GPR157: variants seen among roughly 807,000 people sequenced by gnomAD.
GPR157 encodes G-protein coupled receptor 157.
In GPR157, 16 loss-of-function variants were observed where a neutral mutation model predicts 23.5. That is an observed-to-expected ratio of 0.68 (90% CI 0.46 to 1.04). GPR157 has a LOEUF of 1.04. GPR157 is among the 50% of genes least tolerant of loss of function. The probability of loss-of-function intolerance (pLI) is 0.00; values close to 1 mark genes in which losing one functional copy is unlikely to be tolerated. For missense variants in GPR157, 440 were observed against 460.7 expected, an observed-to-expected ratio of 0.96 and a Z score of 0.41; for synonymous variants, 200 against 221.5, an observed-to-expected ratio of 0.90 and a Z score of 0.86.
At chr1:9,114,933 A>G (rs1638603257) in intron 1 of GPR157, among the ~76,000 whole-genome samples, 1 of 151,736 alleles carries the variant, frequency 6.6e-6, no homozygotes, top group Non-Finnish European at 1.5e-5. Context: ...AAAAAAAAAA[A>G]AAAAAAAAAG....
Position 9,118,452 on chromosome 1 carries a change from C to T in GPR157, c.384-6963G>A, listed in dbSNP as rs1431945636. ...CGGAGGAAGCCCGGGACAGCCACCT[C>T]GTGTGTAACTCTGATTGGCAGGGGC... On this transcript the variant is annotated intron_variant, in intron 1 of 3. Coordinates refer to ENST00000377411, the MANE Select transcript of GPR157 (RefSeq NM_024980.5). This position sits in a 1 kb window ranked among gnomAD's most constrained non-coding sequence, Gnocchi z 4.6. Among the ~76,000 whole-genome samples, 2 of 152,100 alleles carry T rather than the reference C, an allele frequency of 1.3e-5. No homozygotes were observed. Among genetic ancestry groups the T allele is most frequent in the East Asian group, 1.9e-4 (1 of 5,180 alleles).
Position 9,104,649 on chromosome 1 carries a change from G to T in GPR157, c.793-15C>A. On this transcript the variant is annotated splice_polypyrimidine_tract_variant and intron_variant, in intron 3 of 3. Transcript: ENST00000377411. ...TTCCCGATACCCTGTCGGGAGAAAA[G>T]GAGCTGTGAGCATGGGGCTGGAGTT... The T allele has an allele frequency of 6.4e-7, 1 of 1,565,324 alleles. No individual in the cohort carries two copies. The highest frequency in any genetic ancestry group is 2.3e-5 in the East Asian group (1 of 43,100).
intron 1 of GPR157, among the ~76,000 whole-genome samples, chr1:9,112,207 G>A (rs959718218): frequency 3.3e-5 from 5 of 152,286 alleles, no homozygotes; most frequent in Non-Finnish European, 5.9e-5. Flanking sequence ...AACAATCAGC[G>A]CCCCCTGGTC....
chr1:9,104,433 G>A lies in GPR157; in HGVS notation c.994C>T (p.Leu332Phe), dbSNP rs1171570978. 2.5e-6 allele frequency: 4 copies of A among 1,613,894 alleles called. No homozygotes were observed. Among genetic ancestry groups the A allele is most frequent in the Non-Finnish European group, 3.4e-6 (4 of 1,179,868 alleles). ...SQESQGTPGE[L>F]PST ...AGGACAAAAGCTCAGGTGCTTGGAA[G>A]TTCCCCTGGGGTCCCTTGGGATTCC... The change falls in exon 4 of 4, where the codon CTT becomes TTT. Residue 332 changes from leucine to phenylalanine, a missense_variant. Physicochemically the swap from Leu to Phe is conservative, Grantham distance 22. Transcript: ENST00000377411.
chr1:9,100,630 C>CT lies in GPR157; in HGVS notation c.*3788dup, dbSNP rs1399262616. On this transcript the variant is annotated 3_prime_UTR_variant, in exon 4 of 4. Coordinates refer to ENST00000377411, the MANE Select transcript of GPR157 (RefSeq NM_024980.5). ...AAGTGCATGGGAGAGGGACGCTGAG[C>CT]TGCGGACACCGTTCCGGCTGCAGTA... 1 of 152,226 alleles carries CT rather than the reference C, an allele frequency of 6.6e-6. No individual in the cohort carries two copies. Among genetic ancestry groups the CT allele is most frequent in the Non-Finnish European group, 1.5e-5 (1 of 68,056 alleles). The allele number at this position is 152,226 out of a possible 1,614,324, so 9.4% of individuals were successfully genotyped here. A position where few individuals can be genotyped will look rare whatever the true frequency, so the allele number is the denominator to read the frequency against.
chr1:9,108,679 C>T (rs926905849), intron 2 of GPR157, among the ~76,000 whole-genome samples: 1 of 152,174 alleles, frequency 6.6e-6, no homozygotes, highest in South Asian at 2.1e-4. Context: ...GACAGGGTCT[C>T]ACTCTGTCAC....
chr1:9,101,222 T>C lies in GPR157; in HGVS notation c.*3197A>G, dbSNP rs1453580912. ...GAAACCACATCCAACTATTTTTTTT[T>C]TTTTTGTATATTTAGTAGAAACAGG... is the stretch of plus-strand genomic sequence containing the variant. On this transcript the variant is annotated 3_prime_UTR_variant, in exon 4 of 4. Coordinates refer to ENST00000377411, the MANE Select transcript of GPR157 (RefSeq NM_024980.5). 6.6e-6 allele frequency: 1 copy of C among 151,880 alleles called. No individual in the cohort carries two copies. Among genetic ancestry groups the C allele is most frequent in the Non-Finnish European group, 1.5e-5 (1 of 68,002 alleles). The allele number at this position is 151,880 out of a possible 1,614,324, so 9.4% of individuals were successfully genotyped here. A position where few individuals can be genotyped will look rare whatever the true frequency, so the allele number is the denominator to read the frequency against.
Position 9,129,023 on chromosome 1 carries a change from T to C in GPR157, c.5A>G (p.Gln2Arg). ...CAGCTCGGTGGGCGGCGGGGACGGC[T>C]GCATGGCGTGGGGGGCCAGGAGCCG... MQPSPPPTELVP... is the reference protein window; with the variant it reads MRPSPPPTELVP... The change falls in exon 1 of 4, where the codon CAG becomes CGG. Residue 2 changes from glutamine to arginine, a missense_variant. Transcript: ENST00000377411. 7.8e-7 allele frequency: 1 copy of C among 1,284,958 alleles called. No individual in the cohort carries two copies. The highest frequency in any genetic ancestry group is 9.8e-7 in the Non-Finnish European group (1 of 1,019,006). 79.6% of individuals were successfully genotyped at this position (1,284,958 alleles called of 1,614,324 possible).
At chr1:9,110,389 G>A (rs12740237) in intron 2 of GPR157, among the ~76,000 whole-genome samples, 16,842 of 152,110 alleles carry the variant, frequency 0.11, 1,002 homozygotes, top group Middle Eastern at 0.2. Context: ...TGGGCGTGGC[G>A]GCACGTGCCT....
At position 9,128,672 on chromosome 1, in the gene GPR157, C is replaced by T. The variant is rs770667755; in HGVS notation, c.356G>A (p.Arg119His). 13 of 1,612,920 alleles carry T rather than the reference C, an allele frequency of 8.1e-6. No individual in the cohort carries two copies. The South Asian group carries it at 1.4e-4, about 18-fold the overall frequency. ...VRAARGPRTDRLLWAFHVVSW... is the reference protein window; with the variant it reads ...VRAARGPRTDHLLWAFHVVSW... ...GACGACATGGAAGGCCCAAAGCAGG[C>T]GATCTGTGCGAGGCCCGCGCGCGGC... Residue 119 changes from arginine (R) to histidine (H), a missense_variant, in exon 1 of 4, where the codon CGC (arginine) becomes CAC (histidine). Arg to His is a conservative substitution (Grantham distance 29, BLOSUM62 0). Coordinates refer to ENST00000377411, the MANE Select transcript of GPR157 (RefSeq NM_024980.5). This position sits in a 1 kb window ranked among gnomAD's most constrained non-coding sequence, Gnocchi z 6.3.
intron 1 of GPR157, among the ~76,000 whole-genome samples, chr1:9,123,261 A>AAT (rs371897260): frequency 0.16 from 4,227 of 26,818 alleles, 718 homozygotes; most frequent in African/African-American, 0.32. Flanking sequence ...TATATATTTA[A>AAT]ATATATATAT....
chr1:9,112,319 TG>T (rs1325042425), intron 1 of GPR157, among the ~76,000 whole-genome samples: 1 of 152,200 alleles, frequency 6.6e-6, no homozygotes, highest in Non-Finnish European at 1.5e-5. Context: ...AGGGGGAACG[TG>T]GGCTTTGGGC....
chr1:9,105,653 T>C lies in GPR157; in HGVS notation c.625A>G (p.Ile209Val), dbSNP rs758517792. 6 of 1,612,430 alleles carry C rather than the reference T, an allele frequency of 3.7e-6. No homozygotes were observed. The highest frequency in any genetic ancestry group is 4.2e-6 in the Non-Finnish European group (5 of 1,179,428). The change falls in exon 3 of 4, where the codon ATC becomes GTC. Residue 209 changes from isoleucine to valine, a missense_variant. By Grantham distance (29) the Ile-to-Val change is conservative (BLOSUM62 3). Transcript: ENST00000377411. The surrounding 1 kb of genome is among the most constrained non-coding windows in gnomAD (Gnocchi z 4.8). The stretch of plus-strand genomic sequence containing the variant: ...AGCAGGCGGTGCTCCTGGGAGAGGA[T>C]GGGCCGGTACTCAGAGAGTGCCGTG... ...AHTALSEYRP[I>V]LSQEHRLLRH...
chr1:9,114,040 G>C (rs1407055389), intron 1 of GPR157, among the ~76,000 whole-genome samples: 2 of 144,478 alleles, frequency 1.4e-5, no homozygotes, highest in Admixed American at 6.9e-5. Flanking sequence ...CTCATGACAG[G>C]CCAGGCGAGG....
chr1:9,111,277 G>A lies in GPR157; in HGVS notation c.596C>T (p.Ala199Val), dbSNP rs144609953. 4.9e-4 allele frequency: 793 copies of A among 1,613,904 alleles called. 1 individual carries two copies. Among genetic ancestry groups the A allele is most frequent in the Non-Finnish European group, 5.9e-4 (693 of 1,179,824 alleles). ...CTGAGCTCTAAGGGCAGCGCCTACC[G>A]CTCTGTTGATGTGCTTCCGGACCAG... ...YLLVRKHINR[A>V]HTALSEYRPI... The change falls in exon 2 of 4, where the codon GCG (alanine) becomes GTG (valine). Residue 199 changes from alanine to valine, a missense_variant and splice_region_variant. Transcript: ENST00000377411.
intron 1 of GPR157, among the ~76,000 whole-genome samples, chr1:9,114,920 C>CAAAA (rs70985588): frequency 2.3e-5 from 2 of 85,492 alleles, no homozygotes; most frequent in African/African-American, 9.0e-5. Context: ...GACTCCGTCT[C>CAAAA]AAAAAAAAAA....
chr1:9,120,572 C>T lies in GPR157; in HGVS notation c.383+8073G>A, dbSNP rs1460019766. Among the ~76,000 whole-genome samples the T allele has an allele frequency of 6.6e-6, 1 of 152,150 alleles. No homozygotes were observed. The highest frequency in any genetic ancestry group is 6.5e-5 in the Admixed American group (1 of 15,270). On this transcript the variant is annotated intron_variant, in intron 1 of 3. Transcript: ENST00000377411. The surrounding 1 kb of genome is among the most constrained non-coding windows in gnomAD (Gnocchi z 4.1). ...ATGGACACTTATTGTCCAGCTCCAG[C>T]GGCAGAAGGGTCAGGACTTGGGAGA...
At position 9,105,526 on chromosome 1, in the gene GPR157, C is replaced by T; in HGVS notation, c.752G>A (p.Gly251Asp). Reference sequence around the variant, plus strand: ...CACCGGCGTCTGCACGGCCGGGGAGCCACAGAGGGTCAGCACGAACCGCAC... The same window carrying T: ...CACCGGCGTCTGCACGGCCGGGGAGTCACAGAGGGTCAGCACGAACCGCAC... ...STVRFVLTLC[G>D]SPAVQTPVLV... The change falls in exon 3 of 4, where the codon GGC (glycine) becomes GAC (aspartate). Residue 251 changes from glycine (G) to aspartate (D), a missense_variant. By Grantham distance (94) the Gly-to-Asp change is moderately conservative. Transcript: ENST00000377411. This position sits in a 1 kb window ranked among gnomAD's most constrained non-coding sequence, Gnocchi z 4.8. 6.3e-7 allele frequency: 1 copy of T among 1,590,304 alleles called. No individual in the cohort carries two copies. The highest frequency in any genetic ancestry group is 8.6e-7 in the Non-Finnish European group (1 of 1,169,142).
At chr1:9,113,193 C>G (rs1198034368) in intron 1 of GPR157, among the ~76,000 whole-genome samples, 1 of 152,102 alleles carries the variant, frequency 6.6e-6, no homozygotes, top group Non-Finnish European at 1.5e-5. Context: ...GGTGCAGACA[C>G]TGGTGCTGCG....
Sources: gnomAD v4.1 joint callset for allele counts (sites outside exome capture counted in the v4.1 genomes callset) on GRCh38, gnomAD v4.1.1 for gene constraint, Gnocchi (gnomAD v3.1) non-coding constraint, MANE v1.5 for transcripts, NCBI Gene and HGNC (gene_info 2026-07-23, HGNC 2026-07-21) for gene names.